The following BRI3 variants were observed in gnomAD, a reference collection of about 807,000 sequenced individuals.
BRI3 encodes the protein membrane protein BRI3.
BRI3 carries 6 observed loss-of-function variants against 12.8 expected under a neutral mutation model. The observed-to-expected ratio is 0.47, with a 90% CI of 0.26 to 0.93. The LOEUF is 0.93. Among genes scored for constraint, BRI3 ranks in the 40% least tolerant of loss-of-function variants. BRI3 has a pLI of 0.15. For missense variants in BRI3, 134 were observed against 171.1 expected (o/e 0.78, Z 1.21); for synonymous variants, 91 against 76.1 (o/e 1.20, Z -1.02).
rs780588396 is a variant in BRI3, at chr7:98,291,094, G to A, written c.246-17G>A. 4 of 1,612,338 alleles carry A rather than the reference G, an allele frequency of 2.5e-6. No homozygotes were observed. In the Admixed American group the frequency reaches 6.7e-5, roughly 27 times the overall value. ...GGGTCCTTACGGTGCCACCCTCTCT[G>A]CCCGTCTCTGCTGCAGGGTTGGGGT... On this transcript the variant is annotated splice_polypyrimidine_tract_variant and intron_variant, in intron 2 of 2. Transcript: ENST00000297290.
chr7:98,298,163 C>A (rs1349638315), intron 1 of BRI3, among the ~76,000 whole-genome samples: 1 of 152,254 alleles, frequency 6.6e-6, no homozygotes, highest in African/African-American at 2.4e-5. Context: ...AGCCCCTGCT[C>A]TCAGATCGTC....
chr7:98,292,952 G>C (rs895936067), downstream of BRI3: 2 of 1,235,434 alleles, frequency 1.6e-6, no homozygotes, highest in Non-Finnish European at 2.0e-6. Flanking sequence ...CTCTGGCGTG[G>C]TTGGAGGGAG....
chr7:98,305,718 C>T (rs921181043), upstream of BRI3, among the ~76,000 whole-genome samples: 9 of 152,160 alleles, frequency 5.9e-5, no homozygotes, highest in African/African-American at 2.2e-4. Context: ...CCACCGTGCC[C>T]GGCCAGTTTC....
downstream of BRI3, among the ~76,000 whole-genome samples, chr7:98,295,208 G>A (rs2116782688): frequency 6.6e-6 from 1 of 152,308 alleles, no homozygotes; most frequent in Non-Finnish European, 1.5e-5. Context: ...GCCTCCTCTG[G>A]GATGGCCTCC....
At chr7:98,285,287 CG>C in intron 2 of BRI3, among the ~76,000 whole-genome samples, 1 of 152,128 alleles carries the variant, frequency 6.6e-6, no homozygotes, top group East Asian at 1.9e-4. Flanking sequence ...GTGGAGGGCA[CG>C]GGGTGGTGAC....
At chr7:98,285,248 C>T (rs961800766) in intron 2 of BRI3, among the ~76,000 whole-genome samples, 4 of 152,158 alleles carry the variant, frequency 2.6e-5, no homozygotes, top group African/African-American at 7.2e-5. Context: ...GTGGAGGCTG[C>T]CACGGCCCTT....
At chr7:98,282,269 G>GT (rs1467118474) in intron 1 of BRI3, 82 bp from the exon 2 acceptor site, 73 of 1,224,000 alleles carry the variant, frequency 6.0e-5, no homozygotes, top group Non-Finnish European at 8.1e-5. Context: ...CGGGGTGGAG[G>GT]TTGAGGGGAC....
chr7:98,282,175 G>T (rs937512140), intron 1 of BRI3, among the ~76,000 whole-genome samples, 176 bp from the exon 2 acceptor site: 32 of 152,202 alleles, frequency 2.1e-4, no homozygotes, highest in Non-Finnish European at 4.6e-4. Flanking sequence ...TTTGTGTCAC[G>T]AGGCGCTCGC....
At chr7:98,315,396 C>T (rs1297222328), downstream of BRI3, 7 of 1,314,066 alleles carry the variant, frequency 5.3e-6, no homozygotes, top group Middle Eastern at 2.3e-4. Flanking sequence ...GCCCAGCCTT[C>T]TGGGGCATTT....
chr7:98,307,615 C>T (rs1374864901), exon 2 of BRI3: 4 of 1,586,188 alleles, frequency 2.5e-6, no homozygotes, highest in Non-Finnish European at 3.4e-6. Flanking sequence ...TCCACGAAGA[C>T]AGTTTGCAGC....
At chr7:98,306,552 G>A in exon 1 of BRI3, 1 of 1,614,048 alleles carries the variant, frequency 6.2e-7, no homozygotes, top group South Asian at 1.1e-5. Context: ...CCTATCAGCA[G>A]TAGACATGTG....
At position 98,281,966 on chromosome 7, in the gene BRI3, G is replaced by A; in HGVS notation, c.142+29G>A. On this transcript the variant is annotated intron_variant, in intron 1 of 2. Coordinates refer to ENST00000297290, the MANE Select transcript of BRI3 (RefSeq NM_015379.5). ...GGCCCGTAACCAACTTTCCCCGCCG[G>A]CGGCTTCCGAGGTGGCAAGCCCGGT... 5 of 1,286,866 alleles carry A rather than the reference G, an allele frequency of 3.9e-6. 1 individual carries two copies. The South Asian group carries it at 1.2e-4, about 32-fold the overall frequency. 79.7% of individuals were successfully genotyped at this position (1,286,866 alleles called of 1,614,324 possible).
chr7:98,282,335 G>A lies in BRI3; in HGVS notation c.143-16G>A, dbSNP rs760408911. 1 of 1,605,042 alleles carries A rather than the reference G, an allele frequency of 6.2e-7. No individual in the cohort carries two copies. The highest frequency in any genetic ancestry group is 8.5e-7 in the Non-Finnish European group (1 of 1,171,920). On this transcript the variant is annotated splice_polypyrimidine_tract_variant and intron_variant, in intron 1 of 2. Coordinates refer to ENST00000297290, the MANE Select transcript of BRI3 (RefSeq NM_015379.5). ...TCTCCTCCCTGCACCCTAATGACCT[G>A]CTTTCCCGCCCACAGGGATACCCAC...
downstream of BRI3, chr7:98,315,423 T>C (rs1801038616): frequency 7.3e-7 from 1 of 1,364,114 alleles, no homozygotes; most frequent in African/African-American, 1.5e-5. Flanking sequence ...GAAATAAAGT[T>C]ATTAATACGC....
chr7:98,283,146 A>G (rs1294523852), intron 2 of BRI3: 2 of 152,208 alleles, frequency 1.3e-5, no homozygotes, highest in East Asian at 1.9e-4. Context: ...TTAATTAAAT[A>G]TAAACCCTTG....
intron 1 of BRI3, 103 bp from the exon 2 acceptor site, chr7:98,282,248 G>A: frequency 9.5e-7 from 1 of 1,052,974 alleles, no homozygotes. Context: ...AAAGACCGGG[G>A]GCTTTTTTAG....
chr7:98,282,214 C>T, intron 1 of BRI3, 137 bp from the exon 2 acceptor site: 2 of 863,218 alleles, frequency 2.3e-6, no homozygotes, highest in Non-Finnish European at 1.8e-6. Context: ...GAATCAGGCC[C>T]GCGGTGGCCG....
At chr7:98,293,461 T>G, downstream of BRI3, 2 of 1,488,346 alleles carry the variant, frequency 1.3e-6, no homozygotes, top group Non-Finnish European at 1.9e-6. Flanking sequence ...GCAGACAGGA[T>G]GCGCCCATCA....
At chr7:98,297,293 G>A (rs1180622059), downstream of BRI3, among the ~76,000 whole-genome samples, 1 of 152,236 alleles carries the variant, frequency 6.6e-6, no homozygotes, top group Non-Finnish European at 1.5e-5. Flanking sequence ...ACTGTACGGA[G>A]CTTCCAGGGT....
Sources: allele counts gnomAD v4.1 joint callset (sites outside exome capture counted in the v4.1 genomes callset), GRCh38; gene constraint gnomAD v4.1.1; transcripts MANE v1.5; gene names NCBI Gene and HGNC (gene_info 2026-07-23, HGNC 2026-07-21).